The following PLPPR5 variants were observed in gnomAD, a reference collection of about 807,000 sequenced individuals.
The protein encoded by PLPPR5 is phospholipid phosphatase related 5.
In PLPPR5, 16 loss-of-function variants were observed where a neutral mutation model predicts 33.9. The observed-to-expected ratio is 0.47, with a 90% CI of 0.32 to 0.72. PLPPR5 has a LOEUF of 0.72. Among genes scored for constraint, PLPPR5 ranks in the 30% least tolerant of loss-of-function variants. The pLI, the probability that PLPPR5 is intolerant of heterozygous loss-of-function variation, is 0.03. For synonymous variants in PLPPR5, 163 were observed against 150.3 expected (o/e 1.08, Z -0.62); for missense variants, 301 against 406.7 (o/e 0.74, Z 2.23).
At chr1:98,939,560 T>G (rs1178394538) in intron 3 of PLPPR5, among the ~76,000 whole-genome samples, 1 of 152,052 alleles carries the variant, frequency 6.6e-6, no homozygotes, top group Non-Finnish European at 1.5e-5. Flanking sequence ...AAAATCTGAG[T>G]GTGGCCTTCC....
intron 5 of PLPPR5, among the ~76,000 whole-genome samples, chr1:98,894,976 T>TAA (rs1648415161): frequency 6.6e-6 from 1 of 151,998 alleles, no homozygotes; most frequent in Non-Finnish European, 1.5e-5. Context: ...ATTTATCATC[T>TAA]AAATATGGAC....
intron 1 of PLPPR5, chr1:98,990,744 G>A (rs1258453252): frequency 6.6e-6 from 1 of 151,926 alleles, no homozygotes; most frequent in South Asian, 2.1e-4. Flanking sequence ...TATAACCTAG[G>A]CCTCTATGGA....
At chr1:98,902,258 A>C (rs537663763) in intron 5 of PLPPR5, among the ~76,000 whole-genome samples, 6 of 152,280 alleles carry the variant, frequency 3.9e-5, no homozygotes, top group African/African-American at 1.4e-4. Flanking sequence ...ATCTGAAATC[A>C]TATCTATGAT....
At chr1:98,988,646 A>T (rs868620582) in intron 1 of PLPPR5, among the ~76,000 whole-genome samples, 8 of 152,238 alleles carry the variant, frequency 5.3e-5, no homozygotes, top group African/African-American at 1.9e-4. Context: ...AGCTCACCAA[A>T]CACCCAATAC....
intron 1 of PLPPR5, among the ~76,000 whole-genome samples, chr1:98,978,446 CTCTCTT>C (rs933166221): frequency 7.2e-5 from 11 of 152,028 alleles, no homozygotes; most frequent in Non-Finnish European, 1.6e-4. Flanking sequence ...GTGTTCATAA[CTCTCTT>C]TCTCTTTCTA....
At chr1:98,916,199 T>C (rs1180110339) in intron 4 of PLPPR5, among the ~76,000 whole-genome samples, 1 of 152,192 alleles carries the variant, frequency 6.6e-6, no homozygotes, top group East Asian at 1.9e-4. Context: ...TAAGAACACC[T>C]ACTGAGATTT....
At chr1:98,896,877 G>T (rs116362522) in intron 5 of PLPPR5, among the ~76,000 whole-genome samples, 3,481 of 152,114 alleles carry the variant, frequency 0.023, 62 homozygotes, top group Non-Finnish European at 0.034. Flanking sequence ...AAACTGTCAC[G>T]ATTCGTGGCA....
intron 1 of PLPPR5, among the ~76,000 whole-genome samples, chr1:98,969,786 G>A (rs1651596430): frequency 6.6e-6 from 1 of 151,702 alleles, no homozygotes; most frequent in Non-Finnish European, 1.5e-5. Flanking sequence ...GTTGTCATAT[G>A]GTTGAGATGT....
chr1:98,995,358 A>G (rs1652595943), intron 1 of PLPPR5, among the ~76,000 whole-genome samples: 1 of 152,128 alleles, frequency 6.6e-6, no homozygotes, highest in African/African-American at 2.4e-5. Flanking sequence ...TACCTATGGG[A>G]TATTATTCTT....
chr1:98,916,132 A>G (rs879611795), intron 4 of PLPPR5, among the ~76,000 whole-genome samples: 1 of 152,174 alleles, frequency 6.6e-6, no homozygotes, highest in African/African-American at 2.4e-5. Flanking sequence ...GGCCAATTAG[A>G]TCAATTAGAT....
At chr1:98,921,377 G>C (rs1649546051) in intron 4 of PLPPR5, among the ~76,000 whole-genome samples, 1 of 152,058 alleles carries the variant, frequency 6.6e-6, no homozygotes, top group African/African-American at 2.4e-5. Flanking sequence ...GCTAGCACTG[G>C]GACATGGAGG....
intron 1 of PLPPR5, among the ~76,000 whole-genome samples, chr1:98,993,063 T>C (rs1003648291): frequency 1.3e-5 from 2 of 152,164 alleles, no homozygotes; most frequent in Non-Finnish European, 1.5e-5. Flanking sequence ...TGTTAGTTAA[T>C]ATGTATAAAG....
intron 1 of PLPPR5, 51 bp from the exon 2 acceptor site, chr1:98,956,792 T>G (rs750130775): frequency 4.4e-6 from 6 of 1,359,468 alleles, no homozygotes; most frequent in Non-Finnish European, 5.9e-6. Flanking sequence ...CCAGTATAAA[T>G]GTAAAATATT....
rs779701945 is a variant in PLPPR5 at position 98,952,262 on chromosome 1, C to CAAAA, written c.621+807_621+808insTTTT. 4.2e-4 allele frequency among the ~76,000 whole-genome samples: 47 copies of CAAAA among 113,054 alleles called. 1 individual carries two copies. The highest frequency in any genetic ancestry group is 1.4e-3 in the African/African-American group (44 of 31,890). 74.2% of individuals were successfully genotyped at this position (113,054 alleles called of 152,430 possible). ...TGGGTGACAGAGCGAGACTCCGTCT[C>CAAAA]AGAAAAAAAAAAAAAAAAAAAAATC... is the stretch of plus-strand genomic sequence containing the variant. On this transcript the variant is annotated intron_variant, in intron 3 of 5. Coordinates refer to ENST00000263177, the MANE Select transcript of PLPPR5 (RefSeq NM_001037317.2).
intron 4 of PLPPR5, 71 bp downstream of exon 4, chr1:98,921,811 C>T: frequency 7.9e-7 from 1 of 1,265,688 alleles, no homozygotes; most frequent in Non-Finnish European, 1.1e-6. Context: ...GTGATTCACA[C>T]TTGTATTTTC....
At chr1:98,897,042 T>C (rs1321884955) in intron 5 of PLPPR5, among the ~76,000 whole-genome samples, 1 of 152,174 alleles carries the variant, frequency 6.6e-6, no homozygotes, top group African/African-American at 2.4e-5. Flanking sequence ...TAATGGCTTC[T>C]TAGTTAAGGA....
intron 3 of PLPPR5, among the ~76,000 whole-genome samples, chr1:98,948,394 A>G (rs549668131): frequency 6.6e-6 from 1 of 152,250 alleles, no homozygotes; most frequent in African/African-American, 2.4e-5. Context: ...AGGGAATGAT[A>G]TTTTAGAGTT....
intron 1 of PLPPR5, among the ~76,000 whole-genome samples, chr1:98,992,837 C>T (rs1652495082): frequency 6.6e-6 from 1 of 152,042 alleles, no homozygotes; most frequent in Non-Finnish European, 1.5e-5. Context: ...AGATTCATTG[C>T]AGATGGCCTT....
intron 1 of PLPPR5, among the ~76,000 whole-genome samples, chr1:98,976,092 T>TAAAAAAAAAAAAAA (rs34637022): frequency 1.3e-5 from 1 of 74,704 alleles, no homozygotes; most frequent in Admixed American, 1.5e-4. Flanking sequence ...TACTAAAAAG[T>TAAAAAAAAAAAAAA]AAAAAAAAAA....
Sources: allele counts gnomAD v4.1 joint callset (sites outside exome capture counted in the v4.1 genomes callset), GRCh38; gene constraint gnomAD v4.1.1; transcripts MANE v1.5; gene names NCBI Gene and HGNC (gene_info 2026-07-23, HGNC 2026-07-21).